The following SERTAD2 variants were observed in gnomAD, a reference collection of about 807,000 sequenced individuals.
SERTAD2 encodes SERTA domain containing 2.
A neutral mutation model predicts 15.4 loss-of-function variants in SERTAD2; 2 were observed. That is an observed-to-expected ratio of 0.13 (90% confidence interval 0.05 to 0.41). SERTAD2 has a LOEUF of 0.41. SERTAD2 is among the 10% of genes least tolerant of loss of function. The probability of loss-of-function intolerance (pLI) is 0.99; values close to 1 mark genes in which losing one functional copy is unlikely to be tolerated. For missense variants in SERTAD2, 333 were observed against 409.7 expected, an observed-to-expected ratio of 0.81 and a Z score of 1.62; for synonymous variants, 180 against 178.0, an observed-to-expected ratio of 1.01 and a Z score of -0.09.
Position 64,634,382 on chromosome 2 carries a change from G to T in SERTAD2, c.*1545C>A, listed in dbSNP as rs1209466790. On this transcript the variant is annotated 3_prime_UTR_variant, in exon 2 of 2. Transcript: ENST00000313349. ...TGTCCTGGGAGATAAGGTGATGGGG[G>T]GGGGAATTGGGGGGAGGAGGGAAAA... 6.7e-6 allele frequency: 1 copy of T among 148,516 alleles called. No homozygotes were observed. Among genetic ancestry groups the T allele is most frequent in the Admixed American group, 6.8e-5 (1 of 14,770 alleles). 9.2% of individuals were successfully genotyped at this position (148,516 alleles called of 1,614,324 possible).
rs1674547251 is a variant in SERTAD2, at chr2:64,632,199, T to C, written c.*3728A>G. Reference sequence around the variant, plus strand: ...ATTTGTAACAGCAAGGTTTTCAAATTAAGACAATTCGTATAGAGTAGCAAT... The same window carrying C: ...ATTTGTAACAGCAAGGTTTTCAAATCAAGACAATTCGTATAGAGTAGCAAT... On this transcript the variant is annotated 3_prime_UTR_variant, in exon 2 of 2. Coordinates refer to ENST00000313349, the MANE Select transcript of SERTAD2 (RefSeq NM_014755.3). 1 of 152,174 alleles carries C rather than the reference T, an allele frequency of 6.6e-6. No homozygotes were observed. The highest frequency in any genetic ancestry group is 1.5e-5 in the Non-Finnish European group (1 of 67,962). 9.4% of individuals were successfully genotyped at this position (152,174 alleles called of 1,614,324 possible).
intron 1 of SERTAD2, among the ~76,000 whole-genome samples, chr2:64,640,046 C>T (rs766880779): frequency 3.3e-5 from 5 of 152,118 alleles, no homozygotes; most frequent in Non-Finnish European, 5.9e-5. Context: ...AGTTTTGCCA[C>T]CATTTCTCTG....
chr2:64,641,033 C>T lies in SERTAD2; in HGVS notation c.-4-4158G>A, dbSNP rs58788832. Among the ~76,000 whole-genome samples, 831 of 152,300 alleles carry T rather than the reference C, an allele frequency of 5.5e-3. 5 individuals carry two copies. The highest frequency in any genetic ancestry group is 0.018 in the African/African-American group (749 of 41,550). ...GTTTTCTAAACATTAATTTTAACTG[C>T]TATTAACTGCAGCAAACTAAGTTTC... On this transcript the variant is annotated intron_variant, in intron 1 of 1. Coordinates refer to ENST00000313349, the MANE Select transcript of SERTAD2 (RefSeq NM_014755.3).
chr2:64,644,169 A>T (rs917153891), intron 1 of SERTAD2, among the ~76,000 whole-genome samples: 3 of 152,294 alleles, frequency 2.0e-5, no homozygotes, highest in Non-Finnish European at 4.4e-5. Flanking sequence ...CCACAGCCCT[A>T]AGTGGAAACA....
rs781684948 is a variant in SERTAD2 at position 64,636,747 on chromosome 2, T to C, written c.125A>G (p.Asn42Ser). ...GTTATAGAGTTTCATAAGGGAAATG[T>C]TGAAGATAGTCTGGCGCTGTAAGGT... ...SYTLQRQTIF[N>S]ISLMKLYNHR... Residue 42 changes from asparagine to serine, a missense_variant, in exon 2 of 2, where the codon AAC becomes AGC. This residue lies in a region of SERTAD2 where 332 missense variants were observed against 392.9 expected (regional missense o/e 0.84). Coordinates refer to ENST00000313349, the MANE Select transcript of SERTAD2 (RefSeq NM_014755.3). 3.1e-6 allele frequency: 5 copies of C among 1,614,178 alleles called. No individual in the cohort carries two copies. The highest frequency in any genetic ancestry group is 1.1e-5 in the South Asian group (1 of 91,078).
chr2:64,636,791 A>G lies in SERTAD2; in HGVS notation c.81T>C (p.Gly27=). Residue 27 remains glycine (G), a synonymous_variant, in exon 2 of 2, where the codon GGT becomes GGC. Coordinates refer to ENST00000313349, the MANE Select transcript of SERTAD2 (RefSeq NM_014755.3). ...GTAAGGTGTAAGACACCTTGGATGG[A>G]CCGTCACAGGGAGACACGATTTTGC... is the stretch of plus-strand genomic sequence containing the variant. ...LEGKIVSPCD[G]PSKVSYTLQR... is the part of the protein sequence containing the mutation. The G allele has an allele frequency of 6.2e-7, 1 of 1,614,042 alleles. No individual in the cohort carries two copies. The highest frequency in any genetic ancestry group is 8.5e-7 in the Non-Finnish European group (1 of 1,179,994).
chr2:64,640,644 G>A (rs565151143), intron 1 of SERTAD2, among the ~76,000 whole-genome samples: 2 of 152,166 alleles, frequency 1.3e-5, no homozygotes, highest in East Asian at 1.9e-4. Context: ...TGGTTCCTGC[G>A]GAGGGGGGGC....
intron 1 of SERTAD2, among the ~76,000 whole-genome samples, chr2:64,637,523 T>C (rs113834912): frequency 3.3e-5 from 5 of 152,340 alleles, no homozygotes; most frequent in South Asian, 2.1e-4. Flanking sequence ...CCACTTTTCA[T>C]TTAGAATCAA....
In SERTAD2 at chr2:64,653,894, A is replaced by C. The variant is rs1675073770; in HGVS notation, c.-279T>G. On this transcript the variant is annotated 5_prime_UTR_variant, in exon 1 of 2. Coordinates refer to ENST00000313349, the MANE Select transcript of SERTAD2 (RefSeq NM_014755.3). ...CCGAGCGAGCGGTACGTCGTGCTCC[A>C]GCACTCGCCGTGCAGGAGTGACGTG... The C allele has an allele frequency of 6.6e-6, 1 of 150,822 alleles. No individual in the cohort carries two copies. The highest frequency in any genetic ancestry group is 6.6e-5 in the Admixed American group (1 of 15,152). The allele number at this position is 150,822 out of a possible 1,614,324, so 9.3% of individuals were successfully genotyped here. A position where few individuals can be genotyped will look rare whatever the true frequency, so the allele number is the denominator to read the frequency against.
chr2:64,646,520 G>A (rs1674905822), intron 1 of SERTAD2: 1 of 152,060 alleles, frequency 6.6e-6, no homozygotes, highest in African/African-American at 2.4e-5. Flanking sequence ...CAGCCACGAG[G>A]GGGCGCAGCC....
At position 64,634,906 on chromosome 2, in the gene SERTAD2, G is replaced by C. The variant is rs1388678941; in HGVS notation, c.*1021C>G. The C allele has an allele frequency of 6.6e-6, 1 of 152,664 alleles. No individual in the cohort carries two copies. Among genetic ancestry groups the C allele is most frequent in the Non-Finnish European group, 1.5e-5 (1 of 68,040 alleles). The allele number at this position is 152,664 out of a possible 1,614,324, so 9.5% of individuals were successfully genotyped here. On this transcript the variant is annotated 3_prime_UTR_variant, in exon 2 of 2. Coordinates refer to ENST00000313349, the MANE Select transcript of SERTAD2 (RefSeq NM_014755.3). Reference sequence around the variant, plus strand: ...CATAAATACACTCTTAAGAAAGACAGTAGCTTTACCCTCAAAAGAGGGAGC... The same window carrying C: ...CATAAATACACTCTTAAGAAAGACACTAGCTTTACCCTCAAAAGAGGGAGC...
chr2:64,649,176 C>G (rs1470992444), intron 1 of SERTAD2, among the ~76,000 whole-genome samples: 3 of 152,108 alleles, frequency 2.0e-5, no homozygotes. Context: ...GTAGAGATGA[C>G]CTTGGGACTT....
Position 64,635,804 on chromosome 2 carries a change from T to C in SERTAD2, c.*123A>G, listed in dbSNP as rs1293427461. 1.4e-6 allele frequency: 1 copy of C among 733,748 alleles called. No homozygotes were observed. Among genetic ancestry groups the C allele is most frequent in the Non-Finnish European group, 2.3e-6 (1 of 439,336 alleles). The allele number at this position is 733,748 out of a possible 1,614,324, so 45.5% of individuals were successfully genotyped here. A position where few individuals can be genotyped will look rare whatever the true frequency, so the allele number is the denominator to read the frequency against. On this transcript the variant is annotated 3_prime_UTR_variant, in exon 2 of 2. Coordinates refer to ENST00000313349, the MANE Select transcript of SERTAD2 (RefSeq NM_014755.3). ...CTCAAAGCAAAAACTAGTGTGATCC[T>C]GTTGTAAAATTTTCTTTTTCTCTGA...
chr2:64,640,427 C>T (rs1050892514), intron 1 of SERTAD2, among the ~76,000 whole-genome samples: 2 of 152,230 alleles, frequency 1.3e-5, no homozygotes, highest in Non-Finnish European at 1.5e-5. Context: ...GGGCCTGGCT[C>T]AGGCTGGCCA....
Position 64,631,862 on chromosome 2 carries a change from T to C in SERTAD2, c.*4065A>G, listed in dbSNP as rs553557191. The C allele has an allele frequency of 3.3e-5, 5 of 152,638 alleles. No homozygotes were observed. The highest frequency in any genetic ancestry group is 4.8e-5 in the African/African-American group (2 of 41,440). The allele number at this position is 152,638 out of a possible 1,614,324, so 9.5% of individuals were successfully genotyped here. On this transcript the variant is annotated 3_prime_UTR_variant, in exon 2 of 2. Transcript: ENST00000313349. Reference sequence around the variant, plus strand: ...CTCCTCAAAAACCATGCACCAAACATGTCACTATGTACATCTTTTTTCAAA... The same window carrying C: ...CTCCTCAAAAACCATGCACCAAACACGTCACTATGTACATCTTTTTTCAAA...
At chr2:64,643,589 C>T (rs1453144079) in intron 1 of SERTAD2, among the ~76,000 whole-genome samples, 1 of 152,270 alleles carries the variant, frequency 6.6e-6, no homozygotes, top group Non-Finnish European at 1.5e-5. Context: ...TATGCCTTCG[C>T]AGGGCAAGGT....
intron 1 of SERTAD2, among the ~76,000 whole-genome samples, chr2:64,648,257 T>C (rs181738205): frequency 6.6e-6 from 1 of 152,364 alleles, no homozygotes; most frequent in Non-Finnish European, 1.5e-5. Flanking sequence ...GAATGTTTAA[T>C]TTGGTTGCCT....
chr2:64,644,737 CAGAA>C (rs1332420092), intron 1 of SERTAD2: 1 of 152,334 alleles, frequency 6.6e-6, no homozygotes, highest in Non-Finnish European at 1.5e-5. Flanking sequence ...CTGGCAGAAT[CAGAA>C]AGGAAGCTAA....
chr2:64,652,930 A>G (rs1675044890), intron 1 of SERTAD2, among the ~76,000 whole-genome samples: 1 of 152,210 alleles, frequency 6.6e-6, no homozygotes, highest in African/African-American at 2.4e-5. Flanking sequence ...TCTTACTGGT[A>G]CAAAGTCTAG....
Sources: allele counts gnomAD v4.1 joint callset (sites outside exome capture counted in the v4.1 genomes callset), GRCh38; gene constraint gnomAD v4.1.1; regional missense constraint gnomAD v4.1.1; transcripts MANE v1.5; gene names NCBI Gene and HGNC (gene_info 2026-07-23, HGNC 2026-07-21).